SBF2: variants seen among roughly 807,000 people sequenced by gnomAD.
SBF2 encodes SET binding factor 2.
Under a neutral mutation model 225.2 loss-of-function variants are expected in SBF2, and 112 were observed. The ratio of observed to expected loss-of-function variants is 0.50; its 90% CI spans 0.43 to 0.58. The LOEUF is 0.58. Among genes scored for constraint, SBF2 ranks in the 20% least tolerant of loss-of-function variants. The probability of loss-of-function intolerance (pLI) is 0.00; values close to 1 mark genes in which losing one functional copy is unlikely to be tolerated. For synonymous variants in SBF2, 763 were observed against 773.3 expected, an observed-to-expected ratio of 0.99 and a Z score of 0.22; for missense variants, 1,996 against 2,206.2, an observed-to-expected ratio of 0.90 and a Z score of 1.91.
intron 16 of SBF2, among the ~76,000 whole-genome samples, chr11:9,947,732 C>A (rs1268975468): frequency 6.6e-6 from 1 of 151,894 alleles, no homozygotes; most frequent in Non-Finnish European, 1.5e-5. Context: ...CAAATCAAAA[C>A]CACAATGTGA....
At chr11:9,780,564 T>A in intron 39 of SBF2, 48 bp from the exon 40 acceptor site, 1 of 1,519,688 alleles carries the variant, frequency 6.6e-7, no homozygotes, top group Non-Finnish European at 9.1e-7. Flanking sequence ...CAGGGCTGTT[T>A]TATGGATTTG....
chr11:10,039,326 CAAGA>C (rs1053780502), intron 3 of SBF2, among the ~76,000 whole-genome samples: 92 of 151,780 alleles, frequency 6.1e-4, no homozygotes, highest in African/African-American at 2.2e-3. Context: ...TTACTGATGA[CAAGA>C]AAGAAACATC....
chr11:10,231,274 G>T (rs1187448869), intron 1 of SBF2, among the ~76,000 whole-genome samples: 3 of 152,060 alleles, frequency 2.0e-5, no homozygotes, highest in East Asian at 1.9e-4. Context: ...CTCTACCTCG[G>T]AGCAGTTTGA....
chr11:10,084,409 T>A (rs374066970), intron 2 of SBF2, among the ~76,000 whole-genome samples: 100 of 152,246 alleles, frequency 6.6e-4, no homozygotes, highest in African/African-American at 2.1e-3. Flanking sequence ...GAATGGCTAT[T>A]ATTAAAAAGT....
At chr11:10,090,552 G>A (rs1330746356) in intron 2 of SBF2, among the ~76,000 whole-genome samples, 1 of 151,936 alleles carries the variant, frequency 6.6e-6, no homozygotes, top group African/African-American at 2.4e-5. Context: ...ATCACTTGAG[G>A]TCAGGAGTTT....
chr11:9,963,690 GAAGA>G (rs1456112161), intron 15 of SBF2, 79 bp downstream of exon 15: 2 of 718,400 alleles, frequency 2.8e-6, no homozygotes, highest in African/African-American at 3.5e-5. Context: ...TAGAATTAAA[GAAGA>G]GAGAAGCTGG....
intron 6 of SBF2, among the ~76,000 whole-genome samples, chr11:10,027,102 A>G (rs1949082997): frequency 6.6e-6 from 1 of 152,212 alleles, no homozygotes; most frequent in Admixed American, 6.5e-5. Context: ...AAGAACACTT[A>G]AAATCCATTC....
chr11:9,965,819 G>A (rs1339522668), intron 14 of SBF2, among the ~76,000 whole-genome samples: 1 of 152,054 alleles, frequency 6.6e-6, no homozygotes, highest in East Asian at 1.9e-4. Flanking sequence ...TAATTTCCTG[G>A]TTAAACTGAT....
intron 13 of SBF2, among the ~76,000 whole-genome samples, chr11:9,981,035 A>G (rs1484193390): frequency 6.6e-6 from 1 of 152,268 alleles, no homozygotes; most frequent in Non-Finnish European, 1.5e-5. Context: ...AAATAATGGA[A>G]TAACATAAAG....
At chr11:10,193,480 G>C (rs1957257478) in intron 2 of SBF2, among the ~76,000 whole-genome samples, 1 of 149,726 alleles carries the variant, frequency 6.7e-6, no homozygotes, top group Admixed American at 6.8e-5. Flanking sequence ...TCAGCCTCCT[G>C]AGTAGCTGGG....
At chr11:10,112,715 G>C (rs1304431782) in intron 2 of SBF2, among the ~76,000 whole-genome samples, 1 of 152,166 alleles carries the variant, frequency 6.6e-6, no homozygotes. Flanking sequence ...GGTAAGAGCA[G>C]GGAAAGCAAA....
At chr11:10,226,138 T>A (rs1453660456) in intron 1 of SBF2, among the ~76,000 whole-genome samples, 1 of 152,126 alleles carries the variant, frequency 6.6e-6, no homozygotes, top group African/African-American at 2.4e-5. Context: ...CACGACCCGG[T>A]CACAATAAAG....
chr11:10,072,074 C>T (rs574512253), intron 2 of SBF2, among the ~76,000 whole-genome samples: 137 of 152,260 alleles, frequency 9.0e-4, no homozygotes, highest in African/African-American at 2.9e-3. Context: ...TTTACATACA[C>T]ATGTATGTGT....
rs148659898 is a variant in SBF2 at position 9,983,033 on chromosome 11, T to C, written c.1395+6464A>G. On this transcript the variant is annotated intron_variant, in intron 13 of 39. Transcript: ENST00000256190. ...AACTCCACAGGGAGAAGGAATTCTC[T>C]AGCTGAACTTTTTAACTATTTGAAT... Among the ~76,000 whole-genome samples the C allele has an allele frequency of 1.2e-3, 179 of 152,242 alleles. 3 individuals are homozygous for C. The East Asian group carries it at 0.026, about 22-fold the overall frequency.
At chr11:9,785,472 G>C (rs1327693494) in intron 36 of SBF2, 154 bp from the exon 37 acceptor site, 1 of 674,406 alleles carries the variant, frequency 1.5e-6, no homozygotes, top group Non-Finnish European at 2.6e-6. Flanking sequence ...AGTTATCGTG[G>C]TAAAAAACTG....
intron 2 of SBF2, among the ~76,000 whole-genome samples, chr11:10,137,745 G>A (rs1009627755): frequency 6.6e-6 from 1 of 152,140 alleles, no homozygotes; most frequent in Admixed American, 6.5e-5. Flanking sequence ...GGTGGTTCAC[G>A]TCTGTAATCC....
chr11:9,978,405 C>A (rs2134422580), intron 13 of SBF2, among the ~76,000 whole-genome samples: 1 of 152,046 alleles, frequency 6.6e-6, no homozygotes, highest in African/African-American at 2.4e-5. Context: ...GAATTACGTA[C>A]CTAGAATATG....
chr11:9,784,479 C>G, intron 37 of SBF2, 41 bp from the exon 38 acceptor site: 2 of 1,442,712 alleles, frequency 1.4e-6, no homozygotes, highest in East Asian at 4.5e-5. Context: ...TTGATTTACA[C>G]TTACAAAATG....
intron 33 of SBF2, among the ~76,000 whole-genome samples, chr11:9,792,491 CCA>C (rs981730199): frequency 2.0e-5 from 3 of 151,970 alleles, no homozygotes; most frequent in African/African-American, 7.3e-5. Flanking sequence ...TACTTACTCT[CCA>C]CTTCGTCATT....
Sources: gnomAD v4.1 joint callset for allele counts (sites outside exome capture counted in the v4.1 genomes callset) on GRCh38, gnomAD v4.1.1 for gene constraint, MANE v1.5 for transcripts, NCBI Gene and HGNC (gene_info 2026-07-23, HGNC 2026-07-21) for gene names.